ARHGAP24: variants seen among roughly 807,000 people sequenced by gnomAD.
The protein encoded by ARHGAP24 is rho GTPase-activating protein 24.
A neutral mutation model predicts 76.4 loss-of-function variants in ARHGAP24; 50 were observed. The ratio of observed to expected loss-of-function variants is 0.65; its 90% CI spans 0.52 to 0.83. ARHGAP24 has a LOEUF of 0.83. Among genes scored for constraint, ARHGAP24 ranks in the 40% least tolerant of loss-of-function variants. The pLI, the probability that ARHGAP24 is intolerant of heterozygous loss-of-function variation, is 0.00. For synonymous variants in ARHGAP24, 345 were observed against 323.3 expected, an observed-to-expected ratio of 1.07 and a Z score of -0.72; for missense variants, 930 against 914.2, an observed-to-expected ratio of 1.02 and a Z score of -0.22.
intron 3 of ARHGAP24, among the ~76,000 whole-genome samples, chr4:85,739,075 C>T (rs1008598625): frequency 1.3e-5 from 2 of 152,174 alleles, no homozygotes; most frequent in Non-Finnish European, 2.9e-5. Flanking sequence ...ATTTAGAGAC[C>T]ATGCCACACC....
At chr4:85,959,259 G>A (rs1020587325) in intron 5 of ARHGAP24, among the ~76,000 whole-genome samples, 4 of 152,136 alleles carry the variant, frequency 2.6e-5, no homozygotes, top group African/African-American at 9.7e-5. Flanking sequence ...TGGTGGGAGC[G>A]TAGCAGTGAG....
intron 4 of ARHGAP24, among the ~76,000 whole-genome samples, chr4:85,936,555 A>T (rs1736644462): frequency 6.6e-6 from 1 of 151,954 alleles, no homozygotes; most frequent in Non-Finnish European, 1.5e-5. Flanking sequence ...CTGCTTTCTA[A>T]TATTTATTAT....
chr4:85,818,833 T>C (rs1314616485), intron 3 of ARHGAP24, among the ~76,000 whole-genome samples: 1 of 152,206 alleles, frequency 6.6e-6, no homozygotes, highest in Non-Finnish European at 1.5e-5. Flanking sequence ...TAACGTTTAT[T>C]GATTCCCTGT....
intron 2 of ARHGAP24, among the ~76,000 whole-genome samples, chr4:85,635,480 C>G (rs1447499036): frequency 5.3e-5 from 8 of 151,792 alleles, no homozygotes; most frequent in African/African-American, 1.2e-4. Flanking sequence ...CTTAGTTTCT[C>G]CTCATTTCAC....
chr4:85,772,756 A>T (rs1054534625), intron 3 of ARHGAP24, among the ~76,000 whole-genome samples: 6 of 152,222 alleles, frequency 3.9e-5, no homozygotes, highest in African/African-American at 1.4e-4. Flanking sequence ...ATTGAATCTC[A>T]TATTTGGACA....
At chr4:85,913,750 A>T (rs1735215082) in intron 3 of ARHGAP24, among the ~76,000 whole-genome samples, 1 of 152,192 alleles carries the variant, frequency 6.6e-6, no homozygotes. Flanking sequence ...AATGAATCAA[A>T]GGATATAAAA....
At chr4:85,959,620 G>C (rs150519309) in intron 5 of ARHGAP24, among the ~76,000 whole-genome samples, 1 of 152,122 alleles carries the variant, frequency 6.6e-6, no homozygotes, top group Non-Finnish European at 1.5e-5. Flanking sequence ...AGACATTGAC[G>C]TTGTTTCTAC....
intron 2 of ARHGAP24, among the ~76,000 whole-genome samples, chr4:85,575,755 G>T (rs1560538652): frequency 6.6e-6 from 1 of 152,036 alleles, no homozygotes; most frequent in Non-Finnish European, 1.5e-5. Context: ...GGTTTTTCAG[G>T]CCCACCTATT....
intron 2 of ARHGAP24, among the ~76,000 whole-genome samples, chr4:85,649,603 G>A (rs1721858853): frequency 6.6e-6 from 1 of 152,074 alleles, no homozygotes; most frequent in Non-Finnish European, 1.5e-5. Flanking sequence ...CTCATTTAAT[G>A]GTCTGTCAGT....
intron 4 of ARHGAP24, chr4:85,931,044 T>G: frequency 6.2e-7 from 1 of 1,607,272 alleles, no homozygotes; most frequent in Non-Finnish European, 8.5e-7. Flanking sequence ...TTCGGAAAGG[T>G]AGGTAGATAA....
intron 3 of ARHGAP24, among the ~76,000 whole-genome samples, chr4:85,741,447 C>T (rs546811010): frequency 3.3e-5 from 5 of 152,112 alleles, no homozygotes; most frequent in East Asian, 1.9e-4. Context: ...AGTTTTACAG[C>T]GATATCATTA....
At chr4:85,808,119 C>T (rs1243834821) in intron 3 of ARHGAP24, among the ~76,000 whole-genome samples, 2 of 152,116 alleles carry the variant, frequency 1.3e-5, no homozygotes, top group African/African-American at 4.8e-5. Flanking sequence ...TTTCAGCATT[C>T]TCATTTTATT....
intron 1 of ARHGAP24, among the ~76,000 whole-genome samples, chr4:85,483,569 G>A (rs980095990): frequency 1.3e-5 from 2 of 151,964 alleles, no homozygotes; most frequent in East Asian, 1.9e-4. Flanking sequence ...CCGAGATGGC[G>A]CCACTGCACT....
chr4:85,771,921 C>T (rs1196290541), intron 3 of ARHGAP24, among the ~76,000 whole-genome samples: 2 of 152,096 alleles, frequency 1.3e-5, no homozygotes, highest in African/African-American at 4.8e-5. Flanking sequence ...GTTGACCAGG[C>T]TGGTCTTGAA....
At chr4:85,682,570 A>G (rs967589961) in intron 2 of ARHGAP24, among the ~76,000 whole-genome samples, 1 of 152,236 alleles carries the variant, frequency 6.6e-6, no homozygotes, top group Non-Finnish European at 1.5e-5. Context: ...TGATATGGAA[A>G]TGCAGAATCA....
At chr4:85,955,692 G>C (rs576901482) in intron 5 of ARHGAP24, among the ~76,000 whole-genome samples, 1 of 152,286 alleles carries the variant, frequency 6.6e-6, no homozygotes, top group African/African-American at 2.4e-5. Flanking sequence ...GTATGGTAAA[G>C]GACATTGATC....
intron 8 of ARHGAP24, chr4:85,992,207 G>A (rs1349959550): frequency 7.6e-6 from 3 of 397,180 alleles, no homozygotes; most frequent in African/African-American, 4.1e-5. Context: ...AACTGATAGT[G>A]TGTACAGTGG....
chr4:85,921,849 C>G (rs926933333), intron 3 of ARHGAP24, among the ~76,000 whole-genome samples: 3 of 152,126 alleles, frequency 2.0e-5, no homozygotes, highest in African/African-American at 7.2e-5. Flanking sequence ...CTGCCCGCTC[C>G]TTATGATAGT....
chr4:85,917,196 A>G (rs1274822313), intron 3 of ARHGAP24, among the ~76,000 whole-genome samples: 1 of 152,064 alleles, frequency 6.6e-6, no homozygotes, highest in South Asian at 2.1e-4. Flanking sequence ...GATTACTGAG[A>G]ATGATGATTT....
Sources: gnomAD v4.1 joint callset for allele counts (sites outside exome capture counted in the v4.1 genomes callset) on GRCh38, gnomAD v4.1.1 for gene constraint, MANE v1.5 for transcripts, NCBI Gene and HGNC (gene_info 2026-07-23, HGNC 2026-07-21) for gene names.